VPS13C: variants seen among roughly 807,000 people sequenced by gnomAD.
The protein encoded by VPS13C is vacuolar protein sorting 13 homolog C, also known as intermembrane lipid transfer protein VPS13C.
A neutral mutation model predicts 456.8 loss-of-function variants in VPS13C; 358 were observed. That is an observed-to-expected ratio of 0.78 (90% confidence interval 0.72 to 0.86). The LOEUF (loss-of-function observed/expected upper bound fraction) is 0.86. Among genes scored for constraint, VPS13C ranks in the 40% least tolerant of loss-of-function variants. The probability of loss-of-function intolerance (pLI) is 0.00; values close to 1 mark genes in which losing one functional copy is unlikely to be tolerated. For synonymous variants in VPS13C, 1,578 were observed against 1,486.7 expected, an observed-to-expected ratio of 1.06 and a Z score of -1.41; for missense variants, 4,818 against 4,385.4, an observed-to-expected ratio of 1.10 and a Z score of -2.79.
intron 9 of VPS13C, among the ~76,000 whole-genome samples, chr15:62,015,945 AT>A (rs1401420044): frequency 8.5e-4 from 95 of 111,632 alleles, no homozygotes; most frequent in African/African-American, 2.6e-3. Flanking sequence ...AAAATAAAAA[AT>A]AAAAAAAGAA....
intron 3 of VPS13C, among the ~76,000 whole-genome samples, chr15:62,039,475 C>T (rs2048170931): frequency 6.6e-6 from 1 of 151,416 alleles, no homozygotes; most frequent in African/African-American, 2.4e-5. Flanking sequence ...AAGGAATTAA[C>T]AACCAGAATA....
chr15:62,019,692 A>T (rs901223556), intron 9 of VPS13C, among the ~76,000 whole-genome samples: 1 of 151,968 alleles, frequency 6.6e-6, no homozygotes, highest in South Asian at 2.1e-4. Context: ...TTTGCTGAGG[A>T]GTGCTTTACT....
At chr15:61,888,912 A>G (rs1167492918) in intron 67 of VPS13C, among the ~76,000 whole-genome samples, 1 of 152,186 alleles carries the variant, frequency 6.6e-6, no homozygotes, top group East Asian at 1.9e-4. Flanking sequence ...CATCAATAGT[A>G]ACAAATGTAC....
intron 4 of VPS13C, among the ~76,000 whole-genome samples, 174 bp from the exon 5 acceptor site, chr15:62,033,716 C>T (rs551151844): frequency 6.6e-6 from 1 of 151,122 alleles, no homozygotes; most frequent in Admixed American, 6.6e-5. Flanking sequence ...TATTCACTTA[C>T]AAAAAACTGA....
At chr15:61,983,775 G>A in intron 20 of VPS13C, 45 bp downstream of exon 20, 1 of 1,573,226 alleles carries the variant, frequency 6.4e-7, no homozygotes, top group Non-Finnish European at 8.7e-7. Context: ...TATGTCAGAA[G>A]CATAAGATGA....
At chr15:61,964,367 A>C (rs2045313803) in intron 31 of VPS13C, among the ~76,000 whole-genome samples, 1 of 151,982 alleles carries the variant, frequency 6.6e-6, no homozygotes, top group Non-Finnish European at 1.5e-5. Context: ...CCTTATGTGT[A>C]AAATGGAAAG....
intron 66 of VPS13C, among the ~76,000 whole-genome samples, chr15:61,902,020 C>T (rs574472018): frequency 6.7e-6 from 1 of 150,208 alleles, no homozygotes; most frequent in Admixed American, 6.7e-5. Flanking sequence ...GGACTAAAAA[C>T]CAAACACAGC....
chr15:61,917,246 A>G lies in VPS13C; in HGVS notation c.8055+95T>C, dbSNP rs573534715. 4.7e-5 allele frequency: 61 copies of G among 1,292,206 alleles called. 1 individual carries two copies. The Middle Eastern group carries it at 2.9e-3, about 62-fold the overall frequency. 80.0% of individuals were successfully genotyped at this position (1,292,206 alleles called of 1,614,324 possible). A position where few individuals can be genotyped will look rare whatever the true frequency, so the allele number is the denominator to read the frequency against. On this transcript the variant is annotated intron_variant, in intron 60 of 84. Coordinates refer to ENST00000644861, the MANE Select transcript of VPS13C (RefSeq NM_020821.3). ...AGGCATTACACATTACACATACGCT[A>G]TATAAAACACTGACCTCACTTAAAA...
intron 66 of VPS13C, among the ~76,000 whole-genome samples, chr15:61,904,585 T>C (rs1207253320): frequency 2.6e-5 from 4 of 151,646 alleles, no homozygotes; most frequent in African/African-American, 4.8e-5. Flanking sequence ...GAAAACAGTA[T>C]GGAGTTTCCT....
rs1302148365 is a variant in VPS13C at position 61,911,860 on chromosome 15, T to A, written c.8695A>T (p.Asn2899Tyr). ...GCTACCTCTGAAGAAGCAATATAGT[T>A]CCATTTATTAGTTGGCATTGAGCCA... ...SDGSMPTNKWNYIASSECLPF... is the reference protein window; with the variant it reads ...SDGSMPTNKWYYIASSECLPF... The change falls in exon 63 of 85, where the codon AAC becomes TAC. Residue 2899 changes from asparagine (N) to tyrosine (Y), a missense_variant. This residue lies in a region of VPS13C where 4,552 missense variants were observed against 4,130.6 expected (regional missense o/e 1.10). Transcript: ENST00000644861. 6.2e-7 allele frequency: 1 copy of A among 1,610,498 alleles called. No individual in the cohort carries two copies. Among genetic ancestry groups the A allele is most frequent in the Non-Finnish European group, 8.5e-7 (1 of 1,178,418 alleles).
chr15:62,044,499 T>G (rs1474991050), intron 1 of VPS13C, among the ~76,000 whole-genome samples: 1 of 152,122 alleles, frequency 6.6e-6, no homozygotes, highest in East Asian at 1.9e-4. Context: ...AGCTAACATT[T>G]AAACAAACAA....
chr15:61,881,051 T>A, intron 71 of VPS13C, 97 bp from the exon 72 acceptor site: 1 of 960,002 alleles, frequency 1.0e-6, no homozygotes, highest in Non-Finnish European at 1.5e-6. Context: ...CAGTTATATC[T>A]TGTTCCTTCA....
chr15:61,949,512 A>G lies in VPS13C; in HGVS notation c.4690T>C (p.Ser1564Pro), dbSNP rs1478447982. ...AGCTCGGATTCCTTCTCAGAAGAGGAAGGCTCAGAGAATGGAGCAGCAGAT... is the reference window on the plus strand; with the variant it reads ...AGCTCGGATTCCTTCTCAGAAGAGGGAGGCTCAGAGAATGGAGCAGCAGAT... ...LSSAAPFSEP[S>P]SSEKESELKP... The change falls in exon 42 of 85, where the codon TCC becomes CCC. Residue 1564 changes from serine (S) to proline (P), a missense_variant. By Grantham distance (74) the Ser-to-Pro change is moderately conservative. This residue lies in a region of VPS13C where 4,552 missense variants were observed against 4,130.6 expected (regional missense o/e 1.10). Coordinates refer to ENST00000644861, the MANE Select transcript of VPS13C (RefSeq NM_020821.3). The G allele has an allele frequency of 3.7e-6, 6 of 1,613,654 alleles. No individual in the cohort carries two copies. The African/African-American group carries it at 4.0e-5, about 11-fold the overall frequency.
At chr15:62,012,283 T>C in intron 11 of VPS13C, 119 bp from the exon 12 acceptor site, 1 of 559,998 alleles carries the variant, frequency 1.8e-6, no homozygotes. Context: ...ATCAATATCT[T>C]TGCTTCTCTG....
intron 31 of VPS13C, among the ~76,000 whole-genome samples, chr15:61,964,277 T>C (rs566600919): frequency 6.6e-6 from 1 of 152,202 alleles, no homozygotes; most frequent in East Asian, 1.9e-4. Context: ...GAGTTCTTCC[T>C]GATCCAAAAT....
chr15:62,056,883 CT>C (rs1487853141), intron 1 of VPS13C, among the ~76,000 whole-genome samples: 2 of 152,234 alleles, frequency 1.3e-5, no homozygotes, highest in Non-Finnish European at 2.9e-5. Context: ...GAAGGGCCCC[CT>C]GTCCTGTGGA....
At chr15:62,005,740 G>C (rs994254658) in intron 15 of VPS13C, among the ~76,000 whole-genome samples, 3 of 150,594 alleles carry the variant, frequency 2.0e-5, no homozygotes, top group African/African-American at 7.3e-5. Flanking sequence ...TTTCGCTCTT[G>C]TTGCCAGGCT....
At chr15:61,981,551 A>G (rs2045888589) in intron 21 of VPS13C, 73 bp from the exon 22 acceptor site, 9 of 1,436,090 alleles carry the variant, frequency 6.3e-6, no homozygotes, top group South Asian at 1.5e-5. Flanking sequence ...AACAACTAGA[A>G]TAAGAGTTTT....
At chr15:62,008,555 G>T in intron 14 of VPS13C, 100 bp downstream of exon 14, 2 of 632,842 alleles carry the variant, frequency 3.2e-6, no homozygotes, top group Non-Finnish European at 4.9e-6. Context: ...TTTTTTTAAA[G>T]TGGCTGAATT....
Sources: gnomAD v4.1 joint callset for allele counts (sites outside exome capture counted in the v4.1 genomes callset) on GRCh38, gnomAD v4.1.1 for gene constraint, gnomAD v4.1.1 regional missense constraint, MANE v1.5 for transcripts, NCBI Gene and HGNC (gene_info 2026-07-23, HGNC 2026-07-21) for gene names.